UNC5D: variants seen among roughly 807,000 people sequenced by gnomAD.
The protein encoded by UNC5D is netrin receptor UNC5D.
Under a neutral mutation model 105.4 loss-of-function variants are expected in UNC5D, and 39 were observed. The ratio of observed to expected loss-of-function variants is 0.37; its 90% CI spans 0.29 to 0.48. UNC5D has a LOEUF of 0.48. Ranked by LOEUF, UNC5D falls within the 20% of genes least tolerant of loss-of-function variation. The pLI, the probability that UNC5D is intolerant of heterozygous loss-of-function variation, is 0.98. For synonymous variants in UNC5D, 452 were observed against 450.4 expected, an observed-to-expected ratio of 1.00 and a Z score of -0.04; for missense variants, 991 against 1,202.4, an observed-to-expected ratio of 0.82 and a Z score of 2.60.
intron 2 of UNC5D, among the ~76,000 whole-genome samples, chr8:35,565,461 C>A (rs1441011664): frequency 6.6e-6 from 1 of 151,944 alleles, no homozygotes; most frequent in East Asian, 1.9e-4. Context: ...TTGCTTGAGT[C>A]CCTTGTAGAT....
intron 1 of UNC5D, among the ~76,000 whole-genome samples, chr8:35,285,987 A>AT (rs1806567652): frequency 6.6e-6 from 1 of 152,150 alleles, no homozygotes; most frequent in Admixed American, 6.6e-5. Context: ...TGAGTATGTC[A>AT]TTTTTTAGGG....
intron 13 of UNC5D, among the ~76,000 whole-genome samples, chr8:35,755,128 A>G (rs1335993216): frequency 6.6e-6 from 1 of 152,176 alleles, no homozygotes; most frequent in Non-Finnish European, 1.5e-5. Context: ...TAACATTTTA[A>G]GACCTGGATT....
intron 1 of UNC5D, chr8:35,525,744 T>C: frequency 1.3e-6 from 2 of 1,568,898 alleles, no homozygotes; most frequent in Non-Finnish European, 1.7e-6. Flanking sequence ...GCTGAAGTAC[T>C]CGCCCGGAGG....
chr8:35,447,933 T>C (rs1807904143), intron 1 of UNC5D, among the ~76,000 whole-genome samples: 1 of 152,050 alleles, frequency 6.6e-6, no homozygotes, highest in Non-Finnish European at 1.5e-5. Context: ...TACCAGGAAA[T>C]AATACTCTTC....
At chr8:35,769,569 C>CA (rs1801918702) in intron 15 of UNC5D, among the ~76,000 whole-genome samples, 1 of 152,196 alleles carries the variant, frequency 6.6e-6, no homozygotes, top group Non-Finnish European at 1.5e-5. Context: ...GCTCTGCCTA[C>CA]AAATGGATGT....
chr8:35,688,707 T>C (rs889051049), intron 7 of UNC5D, among the ~76,000 whole-genome samples: 2 of 152,248 alleles, frequency 1.3e-5, no homozygotes, highest in African/African-American at 4.8e-5. Flanking sequence ...TAAAGAAATG[T>C]GCTTCTCACC....
chr8:35,254,777 AT>A (rs1803958083), intron 1 of UNC5D: 1 of 152,034 alleles, frequency 6.6e-6, no homozygotes, highest in Non-Finnish European at 1.5e-5. Context: ...GTTCTTTTTT[AT>A]GGTATCTCTC....
intron 1 of UNC5D, among the ~76,000 whole-genome samples, chr8:35,471,034 G>T (rs932227357): frequency 6.6e-6 from 1 of 152,042 alleles, no homozygotes; most frequent in Non-Finnish European, 1.5e-5. Flanking sequence ...AGTTATTAGA[G>T]ATCTCAGCAC....
chr8:35,786,867 C>T (rs937187397), intron 16 of UNC5D, among the ~76,000 whole-genome samples: 3 of 152,110 alleles, frequency 2.0e-5, no homozygotes, highest in Admixed American at 6.5e-5. Context: ...GGCCCACCAC[C>T]TGCTTGTATA....
chr8:35,438,131 A>C (rs76312460), intron 1 of UNC5D, among the ~76,000 whole-genome samples: 7,460 of 152,082 alleles, frequency 0.049, 266 homozygotes, highest in East Asian at 0.089. Context: ...AACAAAAAAA[A>C]CCCACACAGA....
intron 8 of UNC5D, among the ~76,000 whole-genome samples, chr8:35,708,069 A>G (rs754170660): frequency 1.6e-4 from 25 of 152,156 alleles, no homozygotes; most frequent in Admixed American, 1.1e-3. Context: ...ATGAATCATC[A>G]CTAATGCAAA....
intron 1 of UNC5D, among the ~76,000 whole-genome samples, chr8:35,503,316 C>A (rs1369492072): frequency 6.6e-6 from 1 of 152,110 alleles, no homozygotes; most frequent in African/African-American, 2.4e-5. Flanking sequence ...TTCCACGTAG[C>A]TGGGGAGGCC....
intron 1 of UNC5D, among the ~76,000 whole-genome samples, chr8:35,491,572 G>A (rs1006950639): frequency 6.6e-6 from 1 of 151,956 alleles, no homozygotes; most frequent in African/African-American, 2.4e-5. Context: ...TGGTAGTAAC[G>A]TAACATACTC....
intron 3 of UNC5D, among the ~76,000 whole-genome samples, chr8:35,570,158 G>C (rs944945600): frequency 6.6e-6 from 1 of 152,046 alleles, no homozygotes; most frequent in Non-Finnish European, 1.5e-5. Flanking sequence ...TAGTATTATC[G>C]GTCCTTCTAA....
At chr8:35,439,253 T>A (rs1004349188) in intron 1 of UNC5D, among the ~76,000 whole-genome samples, 12 of 152,028 alleles carry the variant, frequency 7.9e-5, no homozygotes, top group African/African-American at 2.9e-4. Context: ...GCAAGCTGAT[T>A]CAGTGTGTGC....
At chr8:35,449,601 T>C (rs1016114713) in intron 1 of UNC5D, among the ~76,000 whole-genome samples, 1 of 152,142 alleles carries the variant, frequency 6.6e-6, no homozygotes, top group African/African-American at 2.4e-5. Context: ...GCTTTTATTT[T>C]ATATGCTTGG....
At chr8:35,498,368 A>G (rs1811746295) in intron 1 of UNC5D, among the ~76,000 whole-genome samples, 1 of 152,094 alleles carries the variant, frequency 6.6e-6, no homozygotes, top group Non-Finnish European at 1.5e-5. Flanking sequence ...CCTTCTGTGA[A>G]GAAGAGAGAT....
At chr8:35,498,455 A>G (rs1811755005) in intron 1 of UNC5D, among the ~76,000 whole-genome samples, 2 of 152,164 alleles carry the variant, frequency 1.3e-5, no homozygotes, top group Admixed American at 6.5e-5. Context: ...GACTAGAAGG[A>G]TCAATACAGG....
At chr8:35,303,644 C>A (rs536199696) in intron 1 of UNC5D, among the ~76,000 whole-genome samples, 2 of 152,194 alleles carry the variant, frequency 1.3e-5, no homozygotes, top group African/African-American at 4.8e-5. Context: ...TACATTCTCT[C>A]CTCTGCTTTT....
Sources: gnomAD v4.1 joint callset for allele counts (sites outside exome capture counted in the v4.1 genomes callset) on GRCh38, gnomAD v4.1.1 for gene constraint, MANE v1.5 for transcripts, NCBI Gene and HGNC (gene_info 2026-07-23, HGNC 2026-07-21) for gene names.